Variants in C2orf81 observed in about 807,000 individuals in gnomAD.
C2orf81 encodes the protein chromosome 2 open reading frame 81, also known as uncharacterized protein C2orf81.
In C2orf81, 5 loss-of-function variants were observed where a neutral mutation model predicts 7.9. The observed-to-expected ratio is 0.63, with a 90% CI of 0.33 to 1.33. The LOEUF is 1.33. Among genes scored for constraint, C2orf81 ranks in the 40% most tolerant of loss-of-function variants. The probability of loss-of-function intolerance (pLI) is 0.05; values close to 1 mark genes in which losing one functional copy is unlikely to be tolerated. For synonymous variants in C2orf81, 346 were observed against 367.4 expected, an observed-to-expected ratio of 0.94 and a Z score of 0.66; for missense variants, 781 against 830.4, an observed-to-expected ratio of 0.94 and a Z score of 0.73.
intron 1 of C2orf81, chr2:74,418,034 C>T (rs1676512455): frequency 6.6e-6 from 3 of 457,112 alleles, no homozygotes; most frequent in Admixed American, 3.1e-5. Flanking sequence ...TGGCTGGAGG[C>T]GGTGGTGATG....
chr2:74,416,997 G>GGGCAGGGCCCCGACT (rs1243552343), intron 1 of C2orf81, among the ~76,000 whole-genome samples: 24 of 152,196 alleles, frequency 1.6e-4, no homozygotes, highest in South Asian at 8.3e-4. Context: ...AGCATCCTAG[G>GGGCAGGGCCCCGACT]GGAGTAGTCA....
Position 74,414,815 on chromosome 2 carries a change from G to T in C2orf81, c.1362C>A (p.Phe454Leu). The T allele has an allele frequency of 6.4e-7, 1 of 1,551,544 alleles. No individual in the cohort carries two copies. The highest frequency in any genetic ancestry group is 8.7e-7 in the Non-Finnish European group (1 of 1,146,884). The change falls in exon 3 of 3, where the codon TTC becomes TTA. Residue 454 changes from phenylalanine (F) to leucine (L), a missense_variant. By Grantham distance (22) the Phe-to-Leu change is conservative. Coordinates refer to ENST00000684111, the MANE Select transcript of C2orf81 (RefSeq NM_001316764.3). This position sits in a 1 kb window ranked among gnomAD's most constrained non-coding sequence, Gnocchi z 5.3. ...ACGATAGGCCTAAATTTAAAGTGGGGAACAGGAGTGCGGGGCCCGAGTCCA... is the reference window on the plus strand; with the variant it reads ...ACGATAGGCCTAAATTTAAAGTGGGTAACAGGAGTGCGGGGCCCGAGTCCA... ...RDLDSGPALL[F>L]PTLNLGLSSP...
chr2:74,415,915 T>G lies in C2orf81; in HGVS notation c.262A>C (p.Thr88Pro). The change falls in exon 3 of 3, where the codon ACC becomes CCC. Residue 88 changes from threonine (T) to proline (P), a missense_variant. By Grantham distance (38) the Thr-to-Pro change is conservative. Transcript: ENST00000684111. This position sits in a 1 kb window ranked among gnomAD's most constrained non-coding sequence, Gnocchi z 5.5. Reference sequence around the variant, plus strand: ...ATGGCCTCCCGGGCCTGGCTGATGGTGAATGGAATGCACTGCGGAGGCGAG... The same window carrying G: ...ATGGCCTCCCGGGCCTGGCTGATGGGGAATGGAATGCACTGCGGAGGCGAG... ...VYLTQQCIPFTISQAREAMLQ... is the reference protein window; with the variant it reads ...VYLTQQCIPFPISQAREAMLQ... 6.5e-7 allele frequency: 1 copy of G among 1,547,814 alleles called. No individual in the cohort carries two copies. The highest frequency in any genetic ancestry group is 1.2e-5 in the South Asian group (1 of 83,942).
chr2:74,414,929 G>GGCCTTGGTCTTCTCGCCCCGC lies in C2orf81; in HGVS notation c.1227_1247dup (p.Gly411_Arg417dup). ...GGCCGAGGGCTTGGGGTTCGGCCCG[G>GGCCTTGGTCTTCTCGCCCCGC]GCCTTGGTCTTCTCGCCCCGCTGGC... On this transcript the variant is annotated inframe_insertion, in exon 3 of 3. Coordinates refer to ENST00000684111, the MANE Select transcript of C2orf81 (RefSeq NM_001316764.3). This position sits in a 1 kb window ranked among gnomAD's most constrained non-coding sequence, Gnocchi z 5.3. 1.3e-6 allele frequency: 2 copies of GGCCTTGGTCTTCTCGCCCCGC among 1,545,618 alleles called. No homozygotes were observed. Among genetic ancestry groups the GGCCTTGGTCTTCTCGCCCCGC allele is most frequent in the African/African-American group, 1.4e-5 (1 of 73,060 alleles).
At chr2:74,420,772 C>CTTTTTTTTTTTTTTTT (rs745827470) in intron 1 of C2orf81, among the ~76,000 whole-genome samples, 6 of 72,678 alleles carry the variant, frequency 8.3e-5, no homozygotes, top group African/African-American at 3.4e-4. Context: ...TCTTCTTCTT[C>CTTTTTTTTTTTTTTTT]TTTTTTTTTT....
chr2:74,415,465 C>T lies in C2orf81; in HGVS notation c.712G>A (p.Gly238Ser). 1 of 1,536,806 alleles carries T rather than the reference C, an allele frequency of 6.5e-7. No individual in the cohort carries two copies. Among genetic ancestry groups the T allele is most frequent in the South Asian group, 1.2e-5 (1 of 83,532 alleles). ...SELFQEAGPG[G>S]PVEEADGQSR... The stretch of plus-strand genomic sequence containing the variant: ...TGGCCGTCCGCTTCCTCTACAGGAC[C>T]TCCGGGCCCTGCCTCCTGAAACAGC... The change falls in exon 3 of 3, where the codon GGT (glycine) becomes AGT (serine). Residue 238 changes from glycine to serine, a missense_variant. By Grantham distance (56) the Gly-to-Ser change is moderately conservative. Coordinates refer to ENST00000684111, the MANE Select transcript of C2orf81 (RefSeq NM_001316764.3). The surrounding 1 kb of genome is among the most constrained non-coding windows in gnomAD (Gnocchi z 5.5).
chr2:74,416,681 T>G (rs1380872649), intron 1 of C2orf81: 2 of 157,096 alleles, frequency 1.3e-5, no homozygotes, highest in East Asian at 3.8e-4. Flanking sequence ...CCAGACAATG[T>G]GAAGGTTTAA....
rs1271434160 is a variant in C2orf81 at position 74,416,157 on chromosome 2, C to G, written c.103G>C (p.Val35Leu). The G allele has an allele frequency of 1.3e-6, 2 of 1,502,380 alleles. No homozygotes were observed. Among genetic ancestry groups the G allele is most frequent in the East Asian group, 5.4e-5 (2 of 36,724 alleles). The allele number at this position is 1,502,380 out of a possible 1,614,324, so 93.1% of individuals were successfully genotyped here. Residue 35 changes from valine to leucine, a missense_variant, in exon 2 of 3, where the codon GTG becomes CTG. Coordinates refer to ENST00000684111, the MANE Select transcript of C2orf81 (RefSeq NM_001316764.3). ...VRPPTVPVPQ[V>L]DIVPGRLSEA... ...CTGAGCCGCCCAGGCACAATATCCACCTGCGGCACTGGCACAGTGGGCGGC... is the reference window on the plus strand; with the variant it reads ...CTGAGCCGCCCAGGCACAATATCCAGCTGCGGCACTGGCACAGTGGGCGGC...
chr2:74,420,772 C>CTTTTT lies in C2orf81; in HGVS notation c.18+766_18+770dup, dbSNP rs745827470. 3.9e-3 allele frequency among the ~76,000 whole-genome samples: 284 copies of CTTTTT among 72,688 alleles called. 11 individuals are homozygous for CTTTTT. Among genetic ancestry groups the CTTTTT allele is most frequent in the African/African-American group, 7.9e-3 (138 of 17,510 alleles). The allele number at this position is 72,688 out of a possible 152,430, so 47.7% of individuals were successfully genotyped here. On this transcript the variant is annotated intron_variant, in intron 1 of 2. Coordinates refer to ENST00000684111, the MANE Select transcript of C2orf81 (RefSeq NM_001316764.3). ...CAAATCCGTTTTCTTTCTTCTTCTT[C>CTTTTT]TTTTTTTTTTTTTTTTTTTTTTTTT...
At position 74,416,162 on chromosome 2, in the gene C2orf81, G is replaced by A. The variant is rs1251299503; in HGVS notation, c.98C>T (p.Pro33Leu). 1 of 1,495,006 alleles carries A rather than the reference G, an allele frequency of 6.7e-7. No individual in the cohort carries two copies. Among genetic ancestry groups the A allele is most frequent in the South Asian group, 1.2e-5 (1 of 82,750 alleles). 92.6% of individuals were successfully genotyped at this position (1,495,006 alleles called of 1,614,324 possible). Reference sequence around the variant, plus strand: ...CCGCCCAGGCACAATATCCACCTGCGGCACTGGCACAGTGGGCGGCCGCAC... The same window carrying A: ...CCGCCCAGGCACAATATCCACCTGCAGCACTGGCACAGTGGGCGGCCGCAC... ...EKVRPPTVPV[P>L]QVDIVPGRLS... The change falls in exon 2 of 3, where the codon CCG becomes CTG. Residue 33 changes from proline (P) to leucine (L), a missense_variant. Physicochemically the swap from Pro to Leu is moderately conservative, Grantham distance 98. Transcript: ENST00000684111.
Position 74,414,671 on chromosome 2 carries a change from C to A in C2orf81, c.1506G>T (p.Arg502Ser). 6.5e-7 allele frequency: 1 copy of A among 1,548,112 alleles called. No homozygotes were observed. Among genetic ancestry groups the A allele is most frequent in the Non-Finnish European group, 8.7e-7 (1 of 1,144,854 alleles). ...CCTTCCCCTCCCAACCGCTGGGCCA[C>A]CTGACACTGGGCCACAGCTTGGGGC... ...SRSPKLWPSV[R>S]WPSGWEGKAE... Residue 502 changes from arginine (R) to serine (S), a missense_variant, in exon 3 of 3, where the codon AGG becomes AGT. Physicochemically the swap from Arg to Ser is moderately radical, Grantham distance 110. Transcript: ENST00000684111. The surrounding 1 kb of genome is among the most constrained non-coding windows in gnomAD (Gnocchi z 5.3).
At position 74,414,674 on chromosome 2, in the gene C2orf81, G is replaced by T. The variant is rs1342401302; in HGVS notation, c.1503C>A (p.Val501=). ...RSRSPKLWPS[V]RWPSGWEGKA... Reference sequence around the variant, plus strand: ...TCCCCTCCCAACCGCTGGGCCACCTGACACTGGGCCACAGCTTGGGGCTGC... The same window carrying T: ...TCCCCTCCCAACCGCTGGGCCACCTTACACTGGGCCACAGCTTGGGGCTGC... The change falls in exon 3 of 3, where the codon GTC becomes GTA. Residue 501 remains valine (V), a synonymous_variant. Transcript: ENST00000684111. The surrounding 1 kb of genome is among the most constrained non-coding windows in gnomAD (Gnocchi z 5.3). 28 of 1,547,840 alleles carry T rather than the reference G, an allele frequency of 1.8e-5. 2 individuals carry two copies. The highest frequency in any genetic ancestry group is 2.0e-5 in the Non-Finnish European group (23 of 1,144,762).
intron 1 of C2orf81, chr2:74,417,990 T>G: frequency 2.3e-6 from 1 of 439,994 alleles, no homozygotes; most frequent in East Asian, 5.4e-5. Context: ...TTGTGTAGTG[T>G]GGTGGTGAAG....
Position 74,416,120 on chromosome 2 carries a change from C to T in C2orf81, c.140G>A (p.Trp47Ter), listed in dbSNP as rs754234523. The change falls in exon 2 of 3, where the codon TGG (tryptophan) becomes TAG (stop). Residue 47 changes from tryptophan (W) to a stop codon, truncating the protein, a stop_gained. Transcript: ENST00000684111. LOFTEE classifies it high-confidence loss of function. ...CTCCTCGAGGGCTGTAAGCGCCATC[C>T]ACTCGGCCTCACTGAGCCGCCCAGG... ...IVPGRLSEAE[W>*]MALTALEEGE... 4.6e-6 allele frequency: 7 copies of T among 1,531,918 alleles called. No homozygotes were observed. In the Middle Eastern group the frequency reaches 1.0e-3, roughly 222 times the overall value. The allele number at this position is 1,531,918 out of a possible 1,614,324, so 94.9% of individuals were successfully genotyped here.
chr2:74,420,149 A>G (rs1034696309), intron 1 of C2orf81, among the ~76,000 whole-genome samples: 2 of 152,228 alleles, frequency 1.3e-5, no homozygotes, highest in African/African-American at 4.8e-5. Flanking sequence ...CACATCAATT[A>G]TGATCTCATA....
rs576931358 is a variant in C2orf81, at chr2:74,420,537, C to T, written c.18+1006G>A. On this transcript the variant is annotated intron_variant, in intron 1 of 2. Transcript: ENST00000684111. Reference sequence around the variant, plus strand: ...TCCTAAGTCTTGCAGAACTCAAAATCCCTGAAGTCTCATTAACCCTATCCA... The same window carrying T: ...TCCTAAGTCTTGCAGAACTCAAAATTCCTGAAGTCTCATTAACCCTATCCA... 3.7e-4 allele frequency among the ~76,000 whole-genome samples: 56 copies of T among 152,284 alleles called. 2 individuals are homozygous for T. The Middle Eastern group carries it at 0.01, about 28-fold the overall frequency.
chr2:74,420,287 TA>T (rs781112652), intron 1 of C2orf81, among the ~76,000 whole-genome samples: 5,694 of 142,172 alleles, frequency 0.04, 100 homozygotes, highest in East Asian at 0.11. Flanking sequence ...TGTAATCACT[TA>T]AAAAAAAAAA....
Position 74,414,708 on chromosome 2 carries a change from G to A in C2orf81, c.1469C>T (p.Ala490Val). The A allele has an allele frequency of 6.5e-7, 1 of 1,544,578 alleles. No homozygotes were observed. The highest frequency in any genetic ancestry group is 1.2e-5 in the South Asian group (1 of 83,372). Residue 490 changes from alanine to valine, a missense_variant, in exon 3 of 3, where the codon GCC becomes GTC. Ala to Val is a moderately conservative substitution (Grantham distance 64). Coordinates refer to ENST00000684111, the MANE Select transcript of C2orf81 (RefSeq NM_001316764.3). This position sits in a 1 kb window ranked among gnomAD's most constrained non-coding sequence, Gnocchi z 5.3. ...LTTHPVLPDV[A>V]RSRSPKLWPS... Reference sequence around the variant, plus strand: ...CCACAGCTTGGGGCTGCGGCTGCGGGCCACATCAGGGAGCACCGGGTGTGT... The same window carrying A: ...CCACAGCTTGGGGCTGCGGCTGCGGACCACATCAGGGAGCACCGGGTGTGT...
Position 74,414,959 on chromosome 2 carries a change from G to A in C2orf81, c.1218C>T (p.Arg406=), listed in dbSNP as rs1315019901. 6.5e-7 allele frequency: 1 copy of A among 1,547,822 alleles called. No individual in the cohort carries two copies. The highest frequency in any genetic ancestry group is 1.4e-5 in the African/African-American group (1 of 73,004). Residue 406 remains arginine, a synonymous_variant, in exon 3 of 3, where the codon CGC becomes CGT. Coordinates refer to ENST00000684111, the MANE Select transcript of C2orf81 (RefSeq NM_001316764.3). The surrounding 1 kb of genome is among the most constrained non-coding windows in gnomAD (Gnocchi z 5.3). ...DSQTRPLEAY[R]GRQRGEKTKA... ...TGGTCTTCTCGCCCCGCTGGCGTCCGCGGTAGGCTTCCAAGGGGCGTGTTT... is the reference window on the plus strand; with the variant it reads ...TGGTCTTCTCGCCCCGCTGGCGTCCACGGTAGGCTTCCAAGGGGCGTGTTT...
Sources: gnomAD v4.1 joint callset for allele counts (sites outside exome capture counted in the v4.1 genomes callset) on GRCh38, gnomAD v4.1.1 for gene constraint, Gnocchi (gnomAD v3.1) non-coding constraint, MANE v1.5 for transcripts, NCBI Gene and HGNC (gene_info 2026-07-23, HGNC 2026-07-21) for gene names.